MTMR12: variants seen among roughly 807,000 people sequenced by gnomAD.
The protein encoded by MTMR12 is myotubularin-related protein 12.
In MTMR12, 33 loss-of-function variants were observed where a neutral mutation model predicts 96.7. The ratio of observed to expected loss-of-function variants is 0.34; its 90% CI spans 0.26 to 0.46. The LOEUF (loss-of-function observed/expected upper bound fraction) is 0.46, where lower values mean the gene tolerates loss of function less well. Among genes scored for constraint, MTMR12 ranks in the 20% least tolerant of loss-of-function variants. MTMR12 has a pLI of 1.00. For synonymous variants in MTMR12, 298 were observed against 327.2 expected (o/e 0.91, Z 0.96); for missense variants, 721 against 896.1 (o/e 0.80, Z 2.49).
At chr5:32,297,142 T>C (rs1750962132) in intron 1 of MTMR12, among the ~76,000 whole-genome samples, 1 of 151,636 alleles carries the variant, frequency 6.6e-6, no homozygotes, top group Non-Finnish European at 1.5e-5. Flanking sequence ...AACCATGTAA[T>C]TCACCAAAGT....
At chr5:32,251,753 T>C (rs1192257361) in intron 8 of MTMR12, among the ~76,000 whole-genome samples, 1 of 152,126 alleles carries the variant, frequency 6.6e-6, no homozygotes, top group African/African-American at 2.4e-5. Flanking sequence ...GGAAGGCCCA[T>C]GGAACGGGAC....
chr5:32,299,431 G>A (rs1188118215), intron 1 of MTMR12, among the ~76,000 whole-genome samples: 2 of 148,182 alleles, frequency 1.3e-5, no homozygotes, highest in African/African-American at 5.3e-5. Flanking sequence ...TCAGGTGGCA[G>A]TTATGGGGCT....
chr5:32,278,127 A>G (rs73069924), intron 1 of MTMR12, among the ~76,000 whole-genome samples: 5,852 of 152,326 alleles, frequency 0.038, 159 homozygotes, highest in African/African-American at 0.056. Flanking sequence ...CAAAGCAATG[A>G]TCATATATGG....
chr5:32,286,591 T>G (rs1469191800), intron 1 of MTMR12, among the ~76,000 whole-genome samples: 1 of 152,124 alleles, frequency 6.6e-6, no homozygotes, highest in African/African-American at 2.4e-5. Context: ...TACTAAGTAA[T>G]GAGTGCTGTA....
chr5:32,294,917 G>A (rs1465932823), intron 1 of MTMR12, among the ~76,000 whole-genome samples: 1 of 152,150 alleles, frequency 6.6e-6, no homozygotes, highest in Non-Finnish European at 1.5e-5. Flanking sequence ...CCGAACTATT[G>A]TCACATTCTT....
At chr5:32,251,965 G>A (rs140061813) in intron 8 of MTMR12, among the ~76,000 whole-genome samples, 3 of 152,326 alleles carry the variant, frequency 2.0e-5, no homozygotes, top group Admixed American at 6.5e-5. Context: ...ACCTGTTCAC[G>A]CAGAGAACAA....
At chr5:32,255,636 T>G in intron 8 of MTMR12, 57 bp downstream of exon 8, 1 of 1,442,294 alleles carries the variant, frequency 6.9e-7, no homozygotes, top group Non-Finnish European at 9.4e-7. Flanking sequence ...TAGGATCATT[T>G]TGCCAGGATA....
At chr5:32,251,354 A>C (rs958473638) in intron 8 of MTMR12, among the ~76,000 whole-genome samples, 5 of 152,170 alleles carry the variant, frequency 3.3e-5, no homozygotes, top group Non-Finnish European at 7.4e-5. Flanking sequence ...TAGAACATCT[A>C]CAGTCTGAGG....
chr5:32,287,670 T>C (rs926179352), intron 1 of MTMR12, among the ~76,000 whole-genome samples: 5 of 152,204 alleles, frequency 3.3e-5, no homozygotes, highest in African/African-American at 1.2e-4. Context: ...GTGGGGTTTC[T>C]GGAGTTGGCT....
intron 10 of MTMR12, 196 bp downstream of exon 10, chr5:32,247,806 G>A (rs115695509): frequency 0.024 from 23,875 of 984,106 alleles, 292 homozygotes; most frequent in Non-Finnish European, 0.026. Flanking sequence ...ATAAGGAGGC[G>A]GGGAGGGAAA....
At chr5:32,234,852 G>C in intron 14 of MTMR12, 110 bp downstream of exon 14, 1 of 1,043,148 alleles carries the variant, frequency 9.6e-7, no homozygotes, top group Non-Finnish European at 1.4e-6. Context: ...ACTTTGTTTA[G>C]TGTATGTGCT....
Position 32,242,119 on chromosome 5 carries a change from AG to A in MTMR12, c.1108del (p.Leu370Ter). 1 of 1,612,180 alleles carries A rather than the reference AG, an allele frequency of 6.2e-7. No homozygotes were observed. The highest frequency in any genetic ancestry group is 8.5e-7 in the Non-Finnish European group (1 of 1,178,640). ...TTCTGTAATCTCTATTGCTTTTTTC[AG>A]GCAACGTCTGAATAGGAAAGAGACA... ...SSWLDIIRRC[L>X]KKAIEITECM... On this transcript the variant is annotated frameshift_variant, in exon 12 of 16. Transcript: ENST00000382142. LOFTEE classifies it high-confidence loss of function.
chr5:32,235,485 A>G (rs1304290286), intron 13 of MTMR12, among the ~76,000 whole-genome samples: 1 of 152,212 alleles, frequency 6.6e-6, no homozygotes, highest in Non-Finnish European at 1.5e-5. Context: ...CCATTCTTCC[A>G]TTAGTAGTAC....
At chr5:32,301,081 G>T (rs1274831825) in intron 1 of MTMR12, among the ~76,000 whole-genome samples, 3 of 152,054 alleles carry the variant, frequency 2.0e-5, no homozygotes, top group African/African-American at 4.8e-5. Flanking sequence ...CTCAAAAAAA[G>T]AAAGAAAAAG....
intron 14 of MTMR12, among the ~76,000 whole-genome samples, chr5:32,234,583 A>ACTTGGG (rs1480046708): frequency 6.6e-6 from 1 of 152,196 alleles, no homozygotes. Context: ...CAGCTTCAAC[A>ACTTGGG]CTTGCTTCCA....
Position 32,233,749 on chromosome 5 carries a change from G to C in MTMR12, c.1674+24C>G. 1 of 1,614,180 alleles carries C rather than the reference G, an allele frequency of 6.2e-7. No homozygotes were observed. The highest frequency in any genetic ancestry group is 1.3e-5 in the African/African-American group (1 of 75,050). Reference sequence around the variant, plus strand: ...GCACGGGGTCTGGGCAGCTGAAGGGGGTTTAGACATGTGGACATCTTACTT... The same window carrying C: ...GCACGGGGTCTGGGCAGCTGAAGGGCGTTTAGACATGTGGACATCTTACTT... On this transcript the variant is annotated intron_variant, in intron 15 of 15. Transcript: ENST00000382142. The surrounding 1 kb of genome is among the most constrained non-coding windows in gnomAD (Gnocchi z 5.0).
At chr5:32,301,818 T>C (rs1751155960) in intron 1 of MTMR12, among the ~76,000 whole-genome samples, 1 of 151,902 alleles carries the variant, frequency 6.6e-6, no homozygotes, top group South Asian at 2.1e-4. Flanking sequence ...CGCTTGAAAC[T>C]GGGAGGCAGA....
chr5:32,243,670 C>T, intron 10 of MTMR12, 71 bp from the exon 11 acceptor site: 1 of 932,972 alleles, frequency 1.1e-6, no homozygotes, highest in Non-Finnish European at 1.7e-6. Context: ...AAATCCTGTG[C>T]TCCTCAACTG....
At chr5:32,246,590 T>A (rs1457077450) in intron 10 of MTMR12, among the ~76,000 whole-genome samples, 2 of 152,232 alleles carry the variant, frequency 1.3e-5, no homozygotes, top group Non-Finnish European at 2.9e-5. Flanking sequence ...AAGATTAATT[T>A]TTTCCTCGCA....
Sources: gnomAD v4.1 joint callset for allele counts (sites outside exome capture counted in the v4.1 genomes callset) on GRCh38, gnomAD v4.1.1 for gene constraint, Gnocchi (gnomAD v3.1) non-coding constraint, MANE v1.5 for transcripts, NCBI Gene and HGNC (gene_info 2026-07-23, HGNC 2026-07-21) for gene names.